The following RBFOX1 variants were observed in gnomAD, a reference collection of about 807,000 sequenced individuals.
The protein encoded by RBFOX1 is RNA binding fox-1 homolog 1, also known as RNA binding protein fox-1 homolog 1.
In RBFOX1, 8 loss-of-function variants were observed where a neutral mutation model predicts 57.7. The observed-to-expected ratio is 0.14, with a 90% CI of 0.08 to 0.25. The LOEUF is 0.25. RBFOX1 is among the 10% of genes least tolerant of loss of function. The pLI is 1.00. For synonymous variants in RBFOX1, 326 were observed against 222.4 expected, an observed-to-expected ratio of 1.47 and a Z score of -4.15; for missense variants, 611 against 548.5, an observed-to-expected ratio of 1.11 and a Z score of -1.14.
chr16:7,144,481 GCA>G, intron 4 of RBFOX1, among the ~76,000 whole-genome samples: 1 of 138,718 alleles, frequency 7.2e-6, no homozygotes, highest in East Asian at 2.1e-4. Flanking sequence ...TGCAGTGGTG[GCA>G]CACACACAGC....
In RBFOX1 at chr16:6,635,906, A is replaced by T. The variant is rs1602187647; in HGVS notation, c.-63-18697A>T. On this transcript the variant is annotated intron_variant, in intron 2 of 15. Transcript: ENST00000550418. ...TTTGGATTTCAGATTTCTTTTTCAG[A>T]TTTTGGAATATTGACACATACATAA... Among the ~76,000 whole-genome samples, 3 of 152,194 alleles carry T rather than the reference A, an allele frequency of 2.0e-5. No individual in the cohort carries two copies. The South Asian group carries it at 6.2e-4, about 32-fold the overall frequency.
chr16:5,275,292 T>C (rs1445254921), intron 1 of RBFOX1, among the ~76,000 whole-genome samples: 1 of 152,118 alleles, frequency 6.6e-6, no homozygotes, highest in Non-Finnish European at 1.5e-5. Flanking sequence ...GATCATTTCT[T>C]TGTGTTGGGA....
chr16:5,842,563 C>G (rs1567613627), intron 3 of RBFOX1, among the ~76,000 whole-genome samples: 1 of 152,176 alleles, frequency 6.6e-6, no homozygotes. Context: ...CATTTTTAAA[C>G]TTATTAAACA....
chr16:7,273,685 A>G (rs2095385040), intron 4 of RBFOX1, among the ~76,000 whole-genome samples: 1 of 152,216 alleles, frequency 6.6e-6, no homozygotes, highest in Non-Finnish European at 1.5e-5. Context: ...CTGATGAAAG[A>G]TGGACCTTAT....
intron 14 of RBFOX1, 140 bp downstream of exon 14, chr16:7,676,978 C>G (rs578206851): frequency 2.7e-6 from 2 of 751,946 alleles, no homozygotes; most frequent in Non-Finnish European, 4.5e-6. Context: ...CCATGGTGAA[C>G]GTGAACTCAA....
chr16:6,792,149 C>G (rs903969602), intron 3 of RBFOX1, among the ~76,000 whole-genome samples: 13 of 152,006 alleles, frequency 8.6e-5, no homozygotes, highest in Admixed American at 4.6e-4. Context: ...AACACATAAA[C>G]TATGCTTTTT....
rs536287092 is a variant in RBFOX1 at position 5,765,922 on chromosome 16, G to A, written c.319-101381G>A. Among the ~76,000 whole-genome samples the A allele has an allele frequency of 3.3e-5, 5 of 152,266 alleles. No homozygotes were observed. The South Asian group carries it at 1.0e-3, about 32-fold the overall frequency. ...CAGTGAGGTATCTGCAGTCTCTGGT[G>A]TTCCACCACTACCCAGCTACATGGT... On this transcript the variant is annotated intron_variant, in intron 3 of 19. Transcript: ENST00000641259.
intron 3 of RBFOX1, among the ~76,000 whole-genome samples, chr16:5,802,050 T>C (rs2055076501): frequency 6.6e-6 from 1 of 152,056 alleles, no homozygotes; most frequent in Non-Finnish European, 1.5e-5. Context: ...TCTTTATAGA[T>C]TAAATCTGAT....
At chr16:6,656,944 T>TC (rs2098660172) in intron 3 of RBFOX1, among the ~76,000 whole-genome samples, 6 of 53,650 alleles carry the variant, frequency 1.1e-4, no homozygotes, top group African/African-American at 3.0e-4. Flanking sequence ...TCTCCTCCCC[T>TC]TTCCTCTCCT....
chr16:7,311,943 T>G (rs1434196678), intron 4 of RBFOX1, among the ~76,000 whole-genome samples: 3 of 152,214 alleles, frequency 2.0e-5, no homozygotes, highest in Non-Finnish European at 4.4e-5. Flanking sequence ...TTTGTTTATT[T>G]GGGGACTTAA....
chr16:6,057,660 G>A (rs886489066), intron 1 of RBFOX1, among the ~76,000 whole-genome samples: 5 of 152,056 alleles, frequency 3.3e-5, no homozygotes, highest in African/African-American at 9.7e-5. Flanking sequence ...TAATGACTTC[G>A]AGATTTTTGG....
chr16:7,109,072 A>G (rs1000247427), intron 4 of RBFOX1, among the ~76,000 whole-genome samples: 1 of 152,178 alleles, frequency 6.6e-6, no homozygotes, highest in Non-Finnish European at 1.5e-5. Context: ...CTGAAAATTT[A>G]TTGATGAGCA....
At chr16:7,474,586 C>T (rs949954782) in intron 4 of RBFOX1, among the ~76,000 whole-genome samples, 1 of 152,192 alleles carries the variant, frequency 6.6e-6, no homozygotes, top group Non-Finnish European at 1.5e-5. Context: ...ATTAAAGTGG[C>T]AGGACCGCAA....
intron 4 of RBFOX1, among the ~76,000 whole-genome samples, chr16:7,303,795 CCT>C (rs1378153208): frequency 6.6e-6 from 1 of 150,512 alleles, no homozygotes; most frequent in Non-Finnish European, 1.5e-5. Flanking sequence ...CTCTCCCCTC[CCT>C]CTCTCTTCCT....
At chr16:7,552,290 C>CTATA (rs543407481) in intron 5 of RBFOX1, among the ~76,000 whole-genome samples, 53 of 152,232 alleles carry the variant, frequency 3.5e-4, no homozygotes, top group African/African-American at 1.2e-3. Context: ...TGATCAGCAG[C>CTATA]TATAGTTTCT....
Position 5,410,129 on chromosome 16 carries a change from C to A in RBFOX1, c.220-57087C>A, listed in dbSNP as rs1222978925. 4.0e-5 allele frequency among the ~76,000 whole-genome samples: 6 copies of A among 151,054 alleles called. No homozygotes were observed. The East Asian group carries it at 9.8e-4, about 25-fold the overall frequency. On this transcript the variant is annotated intron_variant, in intron 1 of 2. Transcript: ENST00000585867. ...CTGTAATGCCTGCGCTTTGGGAGAG[C>A]AATGTGGGTGGAACACTTCAGCCCA...
rs562451917 is a variant in RBFOX1 at position 7,214,074 on chromosome 16, T to TG, written c.27+161978dup. Among the ~76,000 whole-genome samples the TG allele has an allele frequency of 3.7e-3, 451 of 121,062 alleles. 6 individuals carry two copies. The highest frequency in any genetic ancestry group is 0.014 in the African/African-American group (423 of 29,838). 79.4% of individuals were successfully genotyped at this position (121,062 alleles called of 152,430 possible). A position where few individuals can be genotyped will look rare whatever the true frequency, so the allele number is the denominator to read the frequency against. On this transcript the variant is annotated intron_variant, in intron 4 of 15. Coordinates refer to ENST00000550418, the MANE Select transcript of RBFOX1 (RefSeq NM_018723.4). ...TTTCTGGAAGCTTCTGAGCTTGCTATGGAAAAAAAAAAAATTTTTCCACTT... is the reference window on the plus strand; with the variant it reads ...TTTCTGGAAGCTTCTGAGCTTGCTATGGGAAAAAAAAAAAATTTTTCCACTT...
At chr16:5,328,780 A>G (rs2064660658) in intron 1 of RBFOX1, among the ~76,000 whole-genome samples, 2 of 152,196 alleles carry the variant, frequency 1.3e-5, no homozygotes, top group African/African-American at 2.4e-5. Context: ...AGCTCAGCCA[A>G]TCAGATTTTT....
At chr16:6,922,112 C>T (rs949960072) in intron 3 of RBFOX1, among the ~76,000 whole-genome samples, 3 of 152,150 alleles carry the variant, frequency 2.0e-5, no homozygotes, top group African/African-American at 7.2e-5. Flanking sequence ...TTTCTTCACA[C>T]AGGCTGTTCC....
Sources: gnomAD v4.1 joint callset for allele counts (sites outside exome capture counted in the v4.1 genomes callset) on GRCh38, gnomAD v4.1.1 for gene constraint, MANE v1.5 for transcripts, NCBI Gene and HGNC (gene_info 2026-07-23, HGNC 2026-07-21) for gene names.